The following ANLN variants were observed in gnomAD, a reference collection of about 807,000 sequenced individuals.
ANLN encodes anillin, actin binding protein.
In ANLN, 59 loss-of-function variants were observed where a neutral mutation model predicts 135.1. The ratio of observed to expected loss-of-function variants is 0.44; its 90% CI spans 0.35 to 0.54. ANLN has a LOEUF of 0.54. Ranked by LOEUF, ANLN falls within the 20% of genes least tolerant of loss-of-function variation. ANLN has a pLI of 0.00. For missense variants in ANLN, 1,182 were observed against 1,340.0 expected (o/e 0.88, Z 1.84); for synonymous variants, 406 against 456.4 (o/e 0.89, Z 1.41).
chr7:36,423,730 T>G, intron 14 of ANLN, 87 bp from the exon 15 acceptor site: 1 of 1,253,606 alleles, frequency 8.0e-7, no homozygotes, highest in Non-Finnish European at 1.1e-6. Context: ...AGTTCAATAT[T>G]CCTTTATTTC....
At chr7:36,390,091 C>T (rs1401267922) in intron 1 of ANLN, 47 bp downstream of exon 1, 2 of 1,612,126 alleles carry the variant, frequency 1.2e-6, no homozygotes, top group Non-Finnish European at 8.5e-7. Flanking sequence ...CCGCTCTAGG[C>T]CCCCACCCAC....
chr7:36,402,944 G>C (rs1379875496), intron 3 of ANLN, among the ~76,000 whole-genome samples: 2 of 151,996 alleles, frequency 1.3e-5, no homozygotes, highest in East Asian at 3.9e-4. Context: ...TTTAGGAATG[G>C]GCTTAATAAG....
At chr7:36,420,088 A>G in intron 10 of ANLN, 81 bp from the exon 11 acceptor site, 3 of 1,382,966 alleles carry the variant, frequency 2.2e-6, no homozygotes, top group Non-Finnish European at 2.9e-6. Context: ...CTTAATATTA[A>G]TGGAGAATTC....
chr7:36,419,574 CAG>C, intron 10 of ANLN, 95 bp downstream of exon 10: 1 of 1,059,418 alleles, frequency 9.4e-7, no homozygotes, highest in Non-Finnish European at 1.4e-6. Flanking sequence ...ACATTTGGCT[CAG>C]TAGCCAAGGG....
At position 36,453,628 on chromosome 7, in the gene ANLN, C is replaced by G. The variant is rs1369432336; in HGVS notation, c.*1028C>G. The G allele has an allele frequency of 6.6e-6, 1 of 152,460 alleles. No homozygotes were observed. Among genetic ancestry groups the G allele is most frequent in the African/African-American group, 2.4e-5 (1 of 41,438 alleles). The allele number at this position is 152,460 out of a possible 1,614,324, so 9.4% of individuals were successfully genotyped here. ...TTTAAATACACTTTGAACTTCTTCT[C>G]TGAATTATTAAAGTTCTTTATGACC... On this transcript the variant is annotated 3_prime_UTR_variant, in exon 24 of 24. Transcript: ENST00000265748.
chr7:36,417,322 C>A, intron 9 of ANLN, 132 bp downstream of exon 9: 2 of 584,974 alleles, frequency 3.4e-6, no homozygotes, highest in Non-Finnish European at 6.0e-6. Context: ...TAGCTTCTAC[C>A]AAGATGTGGT....
rs1786837550 is a variant in ANLN, at chr7:36,399,233, A to G, written c.327A>G (p.Ala109=). Residue 109 remains alanine, a synonymous_variant, in exon 3 of 24, where the codon GCA becomes GCG. Coordinates refer to ENST00000265748, the MANE Select transcript of ANLN (RefSeq NM_018685.5). ...SPVSPQVQPQ[A]ADTISDSVAV... is the part of the protein sequence containing the mutation. ...TGTCTCCTCAGGTGCAGCCACAAGC[A>G]GCAGATACCATCAGTGATTCTGTTG... 2 of 1,614,098 alleles carry G rather than the reference A, an allele frequency of 1.2e-6. No homozygotes were observed. Among genetic ancestry groups the G allele is most frequent in the South Asian group, 2.2e-5 (2 of 91,092 alleles).
At chr7:36,419,921 A>G (rs1787804557) in intron 10 of ANLN, among the ~76,000 whole-genome samples, 1 of 152,156 alleles carries the variant, frequency 6.6e-6, no homozygotes, top group Non-Finnish European at 1.5e-5. Flanking sequence ...TTTCACCCTC[A>G]ATTGAATAAC....
chr7:36,423,886 C>G lies in ANLN; in HGVS notation c.2546C>G (p.Ala849Gly). The change falls in exon 15 of 24, where the codon GCA becomes GGA. Residue 849 changes from alanine to glycine, a missense_variant. Physicochemically the swap from Ala to Gly is moderately conservative, Grantham distance 60. Around this residue, in one of 3 missense-constraint regions of ANLN, gnomAD observed 1,022 missense variants for 1,134.0 expected, o/e 0.90. Coordinates refer to ENST00000265748, the MANE Select transcript of ANLN (RefSeq NM_018685.5). The part of the protein sequence containing the change: ...GAENMVATPL[A>G]STSNSLNGDA... ...GAAAATATGGTAGCCACACCATTAG[C>G]AAGTACTTCAAACTCTCTTAACGGT... 1 of 1,612,512 alleles carries G rather than the reference C, an allele frequency of 6.2e-7. No homozygotes were observed. The highest frequency in any genetic ancestry group is 8.5e-7 in the Non-Finnish European group (1 of 1,179,060).
At chr7:36,422,497 T>C (rs1374877653) in intron 13 of ANLN, 136 bp from the exon 14 acceptor site, 1 of 734,122 alleles carries the variant, frequency 1.4e-6, no homozygotes, top group Non-Finnish European at 2.1e-6. Context: ...CCACCTACCA[T>C]GTTTTATAAA....
Position 36,406,331 on chromosome 7 carries a change from A to G in ANLN, c.638A>G (p.Glu213Gly), listed in dbSNP as rs1320444366. The change falls in exon 4 of 24, where the codon GAA becomes GGA. Residue 213 changes from glutamate to glycine, a missense_variant. This residue lies in a region of ANLN where 1,022 missense variants were observed against 1,134.0 expected (regional missense o/e 0.90). Coordinates refer to ENST00000265748, the MANE Select transcript of ANLN (RefSeq NM_018685.5). ...CTTGCTGCAACTATTTGCTCCTGGG[A>G]AGATGATGTAAATCACTCATTTGCA... ...ANLAATICSWEDDVNHSFAKQ... is the reference protein window; with the variant it reads ...ANLAATICSWGDDVNHSFAKQ... 4 of 1,614,084 alleles carry G rather than the reference A, an allele frequency of 2.5e-6. No homozygotes were observed. The highest frequency in any genetic ancestry group is 1.3e-5 in the African/African-American group (1 of 74,944).
intron 23 of ANLN, among the ~76,000 whole-genome samples, chr7:36,451,523 ATTTT>A (rs1017040337): frequency 2.0e-5 from 3 of 152,056 alleles, no homozygotes; most frequent in Non-Finnish European, 4.4e-5. Context: ...GATTTTTTTT[ATTTT>A]TATTAGCCTC....
rs1488403822 is a variant in ANLN at position 36,407,876 on chromosome 7, C to T, written c.1016C>T (p.Ser339Phe). 3.1e-6 allele frequency: 5 copies of T among 1,613,864 alleles called. No homozygotes were observed. In the East Asian group the frequency reaches 8.9e-5, roughly 29 times the overall value. The change falls in exon 5 of 24, where the codon TCC (serine) becomes TTC (phenylalanine). Residue 339 changes from serine to phenylalanine, a missense_variant. This residue lies in a region of ANLN where 1,022 missense variants were observed against 1,134.0 expected (regional missense o/e 0.90). Transcript: ENST00000265748. The stretch of plus-strand genomic sequence containing the variant: ...AAACCAATTGTGAAGTCAACTTTAT[C>T]CCAGACAGTTCCATCCAAGGGAGAA... ...VSKPIVKSTL[S>F]QTVPSKGELS...
At chr7:36,447,776 C>G (rs760180772) in intron 22 of ANLN, among the ~76,000 whole-genome samples, 19 of 152,144 alleles carry the variant, frequency 1.2e-4, no homozygotes, top group Non-Finnish European at 2.1e-4. Flanking sequence ...TTACATCATG[C>G]TGCTTAGAAT....
intron 15 of ANLN, 83 bp from the exon 16 acceptor site, chr7:36,424,462 T>G (rs2068328766): frequency 8.8e-7 from 1 of 1,141,020 alleles, no homozygotes; most frequent in Non-Finnish European, 1.3e-6. Context: ...ACTTAGAGTC[T>G]TGTAAGAGTA....
At chr7:36,438,820 A>G (rs868045931) in intron 20 of ANLN, among the ~76,000 whole-genome samples, 3 of 152,160 alleles carry the variant, frequency 2.0e-5, no homozygotes, top group Non-Finnish European at 2.9e-5. Flanking sequence ...TGGCTTTTCC[A>G]TATCTGCAGT....
In ANLN at chr7:36,419,388, A is replaced by G. The variant is rs753559676; in HGVS notation, c.1778A>G (p.Glu593Gly). Residue 593 changes from glutamate to glycine, a missense_variant, in exon 10 of 24, where the codon GAA (glutamate) becomes GGA (glycine). Physicochemically the swap from Glu to Gly is moderately conservative, Grantham distance 98. Coordinates refer to ENST00000265748, the MANE Select transcript of ANLN (RefSeq NM_018685.5). Reference protein sequence around the residue: ...SQEEMDQALAESSEEQEDALN... With the variant: ...SQEEMDQALAGSSEEQEDALN... ...GAGGAGATGGATCAAGCATTAGCAG[A>G]AAGCAGCGAAGAACAGGAAGATGCA... 1.2e-6 allele frequency: 2 copies of G among 1,614,182 alleles called. No homozygotes were observed. The highest frequency in any genetic ancestry group is 1.7e-6 in the Non-Finnish European group (2 of 1,180,028).
intron 14 of ANLN, 86 bp from the exon 15 acceptor site, chr7:36,423,731 C>A: frequency 8.0e-7 from 1 of 1,255,808 alleles, no homozygotes; most frequent in East Asian, 2.6e-5. Context: ...GTTCAATATT[C>A]CTTTATTTCT....
At chr7:36,401,609 G>T (rs1786953974) in intron 3 of ANLN, among the ~76,000 whole-genome samples, 1 of 123,298 alleles carries the variant, frequency 8.1e-6, no homozygotes, top group Admixed American at 7.6e-5. Context: ...AAAGTGCTGG[G>T]ATTATAGACG....
Sources: allele counts gnomAD v4.1 joint callset (sites outside exome capture counted in the v4.1 genomes callset), GRCh38; gene constraint gnomAD v4.1.1; regional missense constraint gnomAD v4.1.1; transcripts MANE v1.5; gene names NCBI Gene and HGNC (gene_info 2026-07-23, HGNC 2026-07-21).